Variants in HMCN2 observed in about 807,000 individuals in gnomAD.
HMCN2 encodes the protein hemicentin-2.
Under a neutral mutation model 377.5 loss-of-function variants are expected in HMCN2, and 325 were observed. The ratio of observed to expected loss-of-function variants is 0.86; its 90% CI spans 0.79 to 0.94. The LOEUF (loss-of-function observed/expected upper bound fraction) is 0.94. HMCN2 is among the 40% of genes least tolerant of loss of function. The probability of loss-of-function intolerance (pLI) is 0.00; values close to 1 mark genes in which losing one functional copy is unlikely to be tolerated. For synonymous variants in HMCN2, 2,007 were observed against 2,046.8 expected (o/e 0.98, Z 0.53); for missense variants, 4,543 against 4,725.3 (o/e 0.96, Z 1.13).
intron 40 of HMCN2, among the ~76,000 whole-genome samples, chr9:130,363,248 G>A (rs1408426129): frequency 6.6e-6 from 1 of 152,216 alleles, no homozygotes; most frequent in African/African-American, 2.4e-5. Context: ...CGCGGAAGGG[G>A]TGTGAAGTAG....
intron 17 of HMCN2, 123 bp downstream of exon 17, chr9:130,320,574 A>T (rs1219312922): frequency 6.6e-6 from 1 of 152,372 alleles, no homozygotes; most frequent in African/African-American, 2.4e-5. Context: ...GGAACAAACG[A>T]ATCCACAGCC....
At chr9:130,339,291 C>T (rs1005208517) in intron 23 of HMCN2, among the ~76,000 whole-genome samples, 55 of 152,228 alleles carry the variant, frequency 3.6e-4, no homozygotes, top group African/African-American at 1.3e-3. Flanking sequence ...TACCCTCTGA[C>T]GGCAGAGGTG....
rs1023457025 is a variant in HMCN2 at position 130,330,108 on chromosome 9, C to T, written c.3359+2633C>T. 3.9e-3 allele frequency among the ~76,000 whole-genome samples: 595 copies of T among 152,088 alleles called. 3 individuals are homozygous for T. Among genetic ancestry groups the T allele is most frequent in the African/African-American group, 0.014 (572 of 41,484 alleles). On this transcript the variant is annotated intron_variant, in intron 22 of 97. Transcript: ENST00000683500. ...CCAAGGATGTCCCCAGGCTCAGCCT[C>T]AAAGCTGCCCTTCTGAAAACGGAGC...
rs1173245129 is a variant in HMCN2, at chr9:130,348,546, G to T, written c.4026G>T (p.Val1342=). The T allele has an allele frequency of 7.7e-7, 1 of 1,303,708 alleles. No homozygotes were observed. The highest frequency in any genetic ancestry group is 2.3e-5 in the Admixed American group (1 of 43,546). 80.8% of individuals were successfully genotyped at this position (1,303,708 alleles called of 1,614,324 possible). A position where few individuals can be genotyped will look rare whatever the true frequency, so the allele number is the denominator to read the frequency against. The change falls in exon 27 of 98, where the codon GTG becomes GTT. Residue 1342 remains valine (V), a splice_region_variant and synonymous_variant. Coordinates refer to ENST00000683500, the MANE Select transcript of HMCN2 (RefSeq NM_001291815.2). The part of the protein sequence containing the change: ...TSRRAKLVVY[V]PPSIREDGRK... ...TCCTCGGCTCTCCTTGCCCCCAAGT[G>T]CCCCCCAGCATCCGGGAGGACGGGC...
rs1157505246 is a variant in HMCN2 at position 130,393,558 on chromosome 9, C to T, written c.10235-184C>T. 1.3e-5 allele frequency among the ~76,000 whole-genome samples: 2 copies of T among 152,186 alleles called. No homozygotes were observed. The highest frequency in any genetic ancestry group is 2.9e-5 in the Non-Finnish European group (2 of 68,022). On this transcript the variant is annotated intron_variant, in intron 67 of 97. Coordinates refer to ENST00000683500, the MANE Select transcript of HMCN2 (RefSeq NM_001291815.2). The surrounding 1 kb of genome is among the most constrained non-coding windows in gnomAD (Gnocchi z 5.2). Reference sequence around the variant, plus strand: ...GGAAGCAGCTCAGTAAAGAGACAATCACAATTCCAGGGAACTAGTGACACC... The same window carrying T: ...GGAAGCAGCTCAGTAAAGAGACAATTACAATTCCAGGGAACTAGTGACACC...
At chr9:130,371,391 C>G (rs1841011338) in intron 46 of HMCN2, among the ~76,000 whole-genome samples, 1 of 141,974 alleles carries the variant, frequency 7.0e-6, no homozygotes, top group South Asian at 2.3e-4. Context: ...ATTTGCATAG[C>G]AAAGGTTCTG....
intron 16 of HMCN2, among the ~76,000 whole-genome samples, 174 bp from the exon 17 acceptor site, chr9:130,320,182 G>A (rs1487915919): frequency 1.3e-5 from 2 of 152,276 alleles, no homozygotes; most frequent in Middle Eastern, 3.4e-3. Flanking sequence ...ACCTTCCAAG[G>A]TCCAGCGGTG....
Position 130,295,057 on chromosome 9 carries a change from T to C in HMCN2, c.784+31T>C, listed in dbSNP as rs1223527462. 2.4e-5 allele frequency: 10 copies of C among 425,284 alleles called. No individual in the cohort carries two copies. The East Asian group carries it at 7.9e-4, about 34-fold the overall frequency. 26.3% of individuals were successfully genotyped at this position (425,284 alleles called of 1,614,324 possible). On this transcript the variant is annotated intron_variant, in intron 5 of 97. Transcript: ENST00000683500. Reference sequence around the variant, plus strand: ...GACCACCCCGGGGCTGGCCTCCTCTTTGGCCCCAAGACTGAGGTGGAAGCC... The same window carrying C: ...GACCACCCCGGGGCTGGCCTCCTCTCTGGCCCCAAGACTGAGGTGGAAGCC...
Position 130,357,926 on chromosome 9 carries a change from A to G in HMCN2, c.5518A>G (p.Thr1840Ala), listed in dbSNP as rs865822835. ...TLQCIGDGVPTPSLRWWKDGV... is the reference protein window; with the variant it reads ...TLQCIGDGVPAPSLRWWKDGV... ...CCAGTGCATAGGGGATGGGGTGCCC[A>G]CCCCAAGCCTCCGTTGGTGGAAGGA... Residue 1840 changes from threonine (T) to alanine (A), a missense_variant, in exon 35 of 98, where the codon ACC (threonine) becomes GCC (alanine). This residue lies in a region of HMCN2 where 1,032 missense variants were observed against 1,285.1 expected (regional missense o/e 0.80). Transcript: ENST00000683500. The G allele has an allele frequency of 2.3e-6, 3 of 1,303,956 alleles. No homozygotes were observed. Among genetic ancestry groups the G allele is most frequent in the Non-Finnish European group, 3.0e-6 (3 of 988,890 alleles). The allele number at this position is 1,303,956 out of a possible 1,614,324, so 80.8% of individuals were successfully genotyped here. A position where few individuals can be genotyped will look rare whatever the true frequency, so the allele number is the denominator to read the frequency against.
At position 130,367,766 on chromosome 9, in the gene HMCN2, C is replaced by A. The variant is rs562557583; in HGVS notation, c.6626-510C>A. 4.9e-4 allele frequency among the ~76,000 whole-genome samples: 75 copies of A among 151,924 alleles called. 1 individual carries two copies. The highest frequency in any genetic ancestry group is 1.5e-3 in the African/African-American group (64 of 41,434). On this transcript the variant is annotated intron_variant, in intron 43 of 97. Transcript: ENST00000683500. ...GACCAGCCTAACTAACATGGTGACA[C>A]CCCGTCTCTACTAAAAAATACAAAA...
intron 7 of HMCN2, among the ~76,000 whole-genome samples, chr9:130,297,948 T>C (rs781945546): frequency 7.2e-5 from 11 of 152,116 alleles, no homozygotes; most frequent in Non-Finnish European, 1.3e-4. Context: ...TTGATAAAGA[T>C]GTATATCCAA....
intron 97 of HMCN2, chr9:130,432,773 A>C: frequency 1.7e-6 from 1 of 589,162 alleles, no homozygotes; most frequent in Non-Finnish European, 3.0e-6. Context: ...GCAGACTCAC[A>C]CAACCCCAGG....
At chr9:130,345,976 A>G (rs996497659) in intron 25 of HMCN2, among the ~76,000 whole-genome samples, 1 of 151,992 alleles carries the variant, frequency 6.6e-6, no homozygotes, top group Non-Finnish European at 1.5e-5. Flanking sequence ...AGGATGAAAG[A>G]GTGAGCGGCC....
chr9:130,352,760 C>T (rs1166190326), intron 30 of HMCN2, among the ~76,000 whole-genome samples, 167 bp from the exon 31 acceptor site: 1 of 152,090 alleles, frequency 6.6e-6, no homozygotes, highest in African/African-American at 2.4e-5. Flanking sequence ...TGGCCTCTCC[C>T]ATCTGTCCCC....
intron 85 of HMCN2, among the ~76,000 whole-genome samples, chr9:130,411,554 C>G (rs911172759): frequency 1.4e-5 from 2 of 138,426 alleles, no homozygotes; most frequent in South Asian, 4.6e-4. Flanking sequence ...GAGCCAAGAT[C>G]GTGCCATCGC....
chr9:130,294,346 T>C (rs1432474283), intron 4 of HMCN2, among the ~76,000 whole-genome samples: 1 of 152,206 alleles, frequency 6.6e-6, no homozygotes, highest in Admixed American at 6.5e-5. Flanking sequence ...CAAAAATCCA[T>C]CCAGCAATTC....
Position 130,425,922 on chromosome 9 carries a change from C to T in HMCN2, c.13877C>T (p.Ala4626Val), listed in dbSNP as rs769556003. The change falls in exon 90 of 98, where the codon GCG becomes GTG. Residue 4626 changes from alanine to valine, a missense_variant and splice_region_variant. This residue lies in a region of HMCN2 where 1,155 missense variants were observed against 1,157.7 expected (regional missense o/e 1.00). Transcript: ENST00000683500. ...TTCCAGCTCGCTACAGCCCTGCAGG[C>T]GGGTGAGGCCCCTCTGCTTTGTTCC... ...LRFQLATALQ[A>V]EENEVGCPEG... 50 of 1,545,066 alleles carry T rather than the reference C, an allele frequency of 3.2e-5. No individual in the cohort carries two copies. The highest frequency in any genetic ancestry group is 1.6e-4 in the Admixed American group (8 of 50,918).
chr9:130,433,668 T>C lies in HMCN2; in HGVS notation c.15215T>C (p.Ile5072Thr). ...PRHQSVFVLL[I>T]AVSPYPY is the part of the protein sequence containing the mutation. ...CACCAAAGCGTCTTCGTCTTGCTCA[T>C]CGCCGTGTCCCCCTACCCCTACTAA... The change falls in exon 98 of 98, where the codon ATC (isoleucine) becomes ACC (threonine). Residue 5072 changes from isoleucine to threonine, a missense_variant. Around this residue, in one of 5 missense-constraint regions of HMCN2, gnomAD observed 1,155 missense variants for 1,157.7 expected, o/e 1.00. Coordinates refer to ENST00000683500, the MANE Select transcript of HMCN2 (RefSeq NM_001291815.2). The C allele has an allele frequency of 6.6e-6, 10 of 1,511,494 alleles. No individual in the cohort carries two copies. Among genetic ancestry groups the C allele is most frequent in the Non-Finnish European group, 8.8e-6 (10 of 1,131,486 alleles). 93.6% of individuals were successfully genotyped at this position (1,511,494 alleles called of 1,614,324 possible).
intron 1 of HMCN2, among the ~76,000 whole-genome samples, chr9:130,276,083 TG>T (rs1322218933): frequency 5.1e-5 from 3 of 59,060 alleles, no homozygotes; most frequent in Non-Finnish European, 9.3e-5. Flanking sequence ...GAGGAAGCCA[TG>T]GGTCTGAGGG....
Sources: allele counts gnomAD v4.1 joint callset (sites outside exome capture counted in the v4.1 genomes callset), GRCh38; gene constraint gnomAD v4.1.1; regional missense constraint gnomAD v4.1.1; non-coding constraint Gnocchi (gnomAD v3.1); transcripts MANE v1.5; gene names NCBI Gene and HGNC (gene_info 2026-07-23, HGNC 2026-07-21).